Variants in IGF2BP3 observed in about 807,000 individuals in gnomAD.
The protein encoded by IGF2BP3 is insulin-like growth factor 2 mRNA-binding protein 3.
IGF2BP3 carries 9 observed loss-of-function variants against 73.8 expected under a neutral mutation model. That is an observed-to-expected ratio of 0.12 (90% confidence interval 0.07 to 0.21). The LOEUF is 0.21. Ranked by LOEUF, IGF2BP3 falls within the 10% of genes least tolerant of loss-of-function variation. The pLI is 1.00. For missense variants in IGF2BP3, 542 were observed against 714.0 expected (o/e 0.76, Z 2.75); for synonymous variants, 258 against 256.7 (o/e 1.01, Z -0.05).
At position 23,385,716 on chromosome 7, in the gene IGF2BP3, T is replaced by C. The variant is rs577486102; in HGVS notation, c.286-23975A>G. The stretch of plus-strand genomic sequence containing the variant: ...TCATTTGGATTCCCCCTACCGCCCA[T>C]CTATTTTTATTTTTTTATTATTTTT... On this transcript the variant is annotated intron_variant, in intron 3 of 14. Transcript: ENST00000258729. 3.2e-4 allele frequency among the ~76,000 whole-genome samples: 49 copies of C among 151,688 alleles called. 2 individuals are homozygous for C. The South Asian group carries it at 9.4e-3, about 29-fold the overall frequency.
At position 23,442,690 on chromosome 7, in the gene IGF2BP3, G is replaced by A. The variant is rs186060967; in HGVS notation, c.237-23866C>T. ...TGGGATTACAGGCTTGAGCTACCGA[G>A]CCCAGTCTGTTTTTTTCATTTTTAA... On this transcript the variant is annotated intron_variant, in intron 2 of 14. Transcript: ENST00000258729. Among the ~76,000 whole-genome samples, 823 of 152,196 alleles carry A rather than the reference G, an allele frequency of 5.4e-3. 21 individuals are homozygous for A. The highest frequency in any genetic ancestry group is 0.051 in the Admixed American group (778 of 15,278).
chr7:23,380,062 C>T (rs1323295401), intron 3 of IGF2BP3, among the ~76,000 whole-genome samples: 1 of 151,384 alleles, frequency 6.6e-6, no homozygotes, highest in East Asian at 1.9e-4. Context: ...TATAAAAAGG[C>T]TATTTCAAAA....
At chr7:23,448,814 T>G (rs1047603721) in intron 2 of IGF2BP3, among the ~76,000 whole-genome samples, 2 of 152,036 alleles carry the variant, frequency 1.3e-5, no homozygotes, top group African/African-American at 4.8e-5. Context: ...GTATTTTTAG[T>G]AGAGATGGGG....
At chr7:23,466,960 T>C (rs1368689931) in intron 2 of IGF2BP3, among the ~76,000 whole-genome samples, 2 of 152,222 alleles carry the variant, frequency 1.3e-5, no homozygotes, top group Non-Finnish European at 2.9e-5. Context: ...TAATAACAAT[T>C]AGAATTTGTA....
chr7:23,423,157 G>A (rs1186198807), intron 2 of IGF2BP3, among the ~76,000 whole-genome samples: 1 of 152,108 alleles, frequency 6.6e-6, no homozygotes, highest in Non-Finnish European at 1.5e-5. Context: ...TTTACCTCTG[G>A]CTCCTAACCC....
At chr7:23,441,437 G>A (rs1033927240) in intron 2 of IGF2BP3, among the ~76,000 whole-genome samples, 1 of 151,894 alleles carries the variant, frequency 6.6e-6, no homozygotes, top group African/African-American at 2.4e-5. Context: ...GCTGGGCTTG[G>A]TGGTGCACGC....
rs959688252 is a variant in IGF2BP3 at position 23,341,084 on chromosome 7, G to C, written c.1203+980C>G. Reference sequence around the variant, plus strand: ...AGGCTGGTCTTGAACTCCTGACCTCGGGTGATCCTCCCGCCTCGGCCTCCC... The same window carrying C: ...AGGCTGGTCTTGAACTCCTGACCTCCGGTGATCCTCCCGCCTCGGCCTCCC... On this transcript the variant is annotated intron_variant, in intron 10 of 14. Transcript: ENST00000258729. 2.6e-5 allele frequency among the ~76,000 whole-genome samples: 4 copies of C among 151,794 alleles called. No individual in the cohort carries two copies. The East Asian group carries it at 7.8e-4, about 30-fold the overall frequency.
chr7:23,395,787 G>C lies in IGF2BP3; in HGVS notation c.285+22989C>G, dbSNP rs368740407. ...CTAAAAATACAACAATTAGCTGGGCGTGGTGACAGGTGCCTGTAATCCCAG... is the reference window on the plus strand; with the variant it reads ...CTAAAAATACAACAATTAGCTGGGCCTGGTGACAGGTGCCTGTAATCCCAG... On this transcript the variant is annotated intron_variant, in intron 3 of 14. Coordinates refer to ENST00000258729, the MANE Select transcript of IGF2BP3 (RefSeq NM_006547.3). Among the ~76,000 whole-genome samples, 21 of 151,946 alleles carry C rather than the reference G, an allele frequency of 1.4e-4. 1 individual carries two copies. Among genetic ancestry groups the C allele is most frequent in the Admixed American group, 9.2e-4 (14 of 15,256 alleles).
At chr7:23,401,976 G>C (rs572969045) in intron 3 of IGF2BP3, among the ~76,000 whole-genome samples, 3 of 152,032 alleles carry the variant, frequency 2.0e-5, no homozygotes, top group Non-Finnish European at 4.4e-5. Context: ...AATTAGCCAG[G>C]CATGGTGGCG....
At chr7:23,437,542 C>A (rs1371453064) in intron 2 of IGF2BP3, among the ~76,000 whole-genome samples, 2 of 151,982 alleles carry the variant, frequency 1.3e-5, no homozygotes, top group Non-Finnish European at 2.9e-5. Context: ...GGACTGTCCA[C>A]TTAAATGAAA....
At chr7:23,433,946 C>T (rs551370096) in intron 2 of IGF2BP3, among the ~76,000 whole-genome samples, 16 of 152,002 alleles carry the variant, frequency 1.1e-4, no homozygotes, top group African/African-American at 3.4e-4. Flanking sequence ...ATCACGGAGG[C>T]GTGTGCCTGT....
intron 3 of IGF2BP3, among the ~76,000 whole-genome samples, chr7:23,393,359 G>T (rs550175441): frequency 1.3e-5 from 2 of 152,168 alleles, no homozygotes; most frequent in African/African-American, 4.8e-5. Context: ...AATCGTAACC[G>T]ATGATCATCT....
Position 23,350,792 on chromosome 7 carries a change from A to G in IGF2BP3, c.683+513T>C, listed in dbSNP as rs540210763. ...TCCAATCCCTTAAATCCCACCAATT[A>G]AAACCATCAAAAAATATCCAGAAGA... On this transcript the variant is annotated intron_variant, in intron 6 of 14. Transcript: ENST00000258729. Among the ~76,000 whole-genome samples, 11 of 152,378 alleles carry G rather than the reference A, an allele frequency of 7.2e-5. No individual in the cohort carries two copies. In the South Asian group the frequency reaches 2.3e-3, roughly 32 times the overall value.
At chr7:23,330,840 G>A (rs945505949) in intron 10 of IGF2BP3, among the ~76,000 whole-genome samples, 2 of 152,176 alleles carry the variant, frequency 1.3e-5, no homozygotes, top group Non-Finnish European at 1.5e-5. Context: ...TGCCCAGGCT[G>A]GAGTGCAGTG....
At position 23,470,039 on chromosome 7, in the gene IGF2BP3, G is replaced by A; in HGVS notation, c.72C>T (p.Asp24=). 1.2e-6 allele frequency: 2 copies of A among 1,612,336 alleles called. No individual in the cohort carries two copies. Among genetic ancestry groups the A allele is most frequent in the East Asian group, 4.5e-5 (2 of 44,842 alleles). The change falls in exon 1 of 15, where the codon GAC becomes GAT. Residue 24 remains aspartate, a synonymous_variant. Transcript: ENST00000258729. ...APSDLESIFK[D]AKIPVSGPFL... Reference sequence around the variant, plus strand: ...AGGGTCCCGACACCGGGATCTTGGCGTCCTTGAAGATACTTTCTAGGTCCG... The same window carrying A: ...AGGGTCCCGACACCGGGATCTTGGCATCCTTGAAGATACTTTCTAGGTCCG...
chr7:23,369,699 A>G (rs1008600984), intron 3 of IGF2BP3, among the ~76,000 whole-genome samples: 1 of 151,950 alleles, frequency 6.6e-6, no homozygotes, highest in African/African-American at 2.4e-5. Context: ...TAGTTTATTG[A>G]CACATATAGA....
rs1156868701 is a variant in IGF2BP3, at chr7:23,378,569, G to GTTTTT, written c.286-16833_286-16829dup. Among the ~76,000 whole-genome samples, 238 of 65,878 alleles carry GTTTTT rather than the reference G, an allele frequency of 3.6e-3. 13 individuals carry two copies. The highest frequency in any genetic ancestry group is 4.6e-3 in the African/African-American group (64 of 13,852). The allele number at this position is 65,878 out of a possible 152,430, so 43.2% of individuals were successfully genotyped here. Reference sequence around the variant, plus strand: ...CACCATGCCAGGCTAATTTTTGCTTGTTTTTTTTTTTTTTTTTTTTTTTGA... The same window carrying GTTTTT: ...CACCATGCCAGGCTAATTTTTGCTTGTTTTTTTTTTTTTTTTTTTTTTTTTTTTGA... On this transcript the variant is annotated intron_variant, in intron 3 of 14. Coordinates refer to ENST00000258729, the MANE Select transcript of IGF2BP3 (RefSeq NM_006547.3).
intron 3 of IGF2BP3, among the ~76,000 whole-genome samples, chr7:23,371,370 C>T (rs537541977): frequency 1.5e-4 from 23 of 152,284 alleles, no homozygotes; most frequent in African/African-American, 5.3e-4. Flanking sequence ...AACTACTTAT[C>T]TGTCATGGGC....
At chr7:23,457,494 A>G (rs1219005146) in intron 2 of IGF2BP3, among the ~76,000 whole-genome samples, 1 of 152,166 alleles carries the variant, frequency 6.6e-6, no homozygotes, top group Non-Finnish European at 1.5e-5. Flanking sequence ...AAACTTCTCA[A>G]CAAGAAGTCT....
Sources: allele counts gnomAD v4.1 joint callset (sites outside exome capture counted in the v4.1 genomes callset), GRCh38; gene constraint gnomAD v4.1.1; transcripts MANE v1.5; gene names NCBI Gene and HGNC (gene_info 2026-07-23, HGNC 2026-07-21).